The following KIF11 variants were observed in gnomAD, a reference collection of about 807,000 sequenced individuals.
KIF11 encodes the protein kinesin-like protein KIF11.
KIF11 carries 9 observed loss-of-function variants against 121.0 expected under a neutral mutation model. The observed-to-expected ratio is 0.07, with a 90% CI of 0.04 to 0.13. The LOEUF is 0.13. Ranked by LOEUF, KIF11 falls within the 10% of genes least tolerant of loss-of-function variation. The probability of loss-of-function intolerance (pLI) is 1.00; values close to 1 mark genes in which losing one functional copy is unlikely to be tolerated. For missense variants in KIF11, 846 were observed against 1,217.5 expected (o/e 0.69, Z 4.54); for synonymous variants, 408 against 421.0 (o/e 0.97, Z 0.38).
intron 3 of KIF11, 83 bp downstream of exon 3, chr10:92,606,799 C>T (rs1380238339): frequency 3.2e-5 from 26 of 812,294 alleles, no homozygotes; most frequent in East Asian, 2.0e-4. Flanking sequence ...TTTTTTGAGA[C>T]GGAGTTTCAC....
chr10:92,645,396 T>A lies in KIF11; in HGVS notation c.2301T>A (p.Phe767Leu). ...KSKDIVNKMT[F>L]HSQKFCADSD... ...AGGATATAGTCAACAAAATGACTTT[T>A]CACAGTCAAAAATTTTGTGCTGATT... is the stretch of plus-strand genomic sequence containing the variant. The change falls in exon 18 of 22, where the codon TTT (phenylalanine) becomes TTA (leucine). Residue 767 changes from phenylalanine to leucine, a missense_variant. Transcript: ENST00000260731. 6.2e-7 allele frequency: 1 copy of A among 1,612,528 alleles called. No homozygotes were observed. The highest frequency in any genetic ancestry group is 8.5e-7 in the Non-Finnish European group (1 of 1,179,038).
In KIF11 at chr10:92,593,169, G is replaced by T; in HGVS notation, c.-207G>T. On this transcript the variant is annotated 5_prime_UTR_variant, in exon 1 of 22. Transcript: ENST00000260731. ...CGGGCGGAGACGAGATTAGTGATTT[G>T]GCGGCTCCGACTGGCGCGGGACAAA... 4.5e-5 allele frequency: 24 copies of T among 528,184 alleles called. No homozygotes were observed. Among genetic ancestry groups the T allele is most frequent in the East Asian group, 9.6e-5 (3 of 31,216 alleles). 32.7% of individuals were successfully genotyped at this position (528,184 alleles called of 1,614,324 possible). A position where few individuals can be genotyped will look rare whatever the true frequency, so the allele number is the denominator to read the frequency against.
At chr10:92,641,049 G>A (rs923177418) in intron 17 of KIF11, among the ~76,000 whole-genome samples, 2 of 152,162 alleles carry the variant, frequency 1.3e-5, no homozygotes, top group East Asian at 1.9e-4. Context: ...CTCCCAGCCT[G>A]TATTAGAGTT....
intron 1 of KIF11, among the ~76,000 whole-genome samples, chr10:92,602,823 C>G (rs1024720466): frequency 1.7e-5 from 2 of 121,086 alleles, no homozygotes; most frequent in Admixed American, 8.8e-5. Context: ...CACACACACA[C>G]ACGTGTGTGT....
At position 92,630,244 on chromosome 10, in the gene KIF11, A is replaced by G; in HGVS notation, c.1374A>G (p.Thr458=). 6.2e-7 allele frequency: 1 copy of G among 1,610,152 alleles called. No homozygotes were observed. Among genetic ancestry groups the G allele is most frequent in the Non-Finnish European group, 8.5e-7 (1 of 1,177,674 alleles). The part of the protein sequence containing the change: ...DQCKSDLQNK[T]QELETTQKHL... Reference sequence around the variant, plus strand: ...GTAAATCTGACCTGCAAAATAAAACACAAGAACTTGAAACCACTCAAAAAC... The same window carrying G: ...GTAAATCTGACCTGCAAAATAAAACGCAAGAACTTGAAACCACTCAAAAAC... The change falls in exon 12 of 22, where the codon ACA becomes ACG. Residue 458 remains threonine (T), a synonymous_variant. Transcript: ENST00000260731.
chr10:92,633,527 C>G (rs1166939572), intron 13 of KIF11, 96 bp from the exon 14 acceptor site: 1 of 820,166 alleles, frequency 1.2e-6, no homozygotes, highest in Non-Finnish European at 2.0e-6. Flanking sequence ...AATTCTACAA[C>G]AAGGGTATAC....
At chr10:92,633,850 A>G in intron 14 of KIF11, 55 bp downstream of exon 14, 7 of 1,171,578 alleles carry the variant, frequency 6.0e-6, no homozygotes, top group Non-Finnish European at 8.6e-6. Flanking sequence ...AGTATTTGAT[A>G]AAATATTTTG....
In KIF11 at chr10:92,621,596, T is replaced by TTG. The variant is rs374159901; in HGVS notation, c.1217+137_1217+138dup. Reference sequence around the variant, plus strand: ...ATCCAGTGCCGATAAATACTTCATTTTGTGTGTGTGTGTGTTTTCTTTTGA... The same window carrying TTG: ...ATCCAGTGCCGATAAATACTTCATTTTGTGTGTGTGTGTGTGTTTTCTTTTGA... On this transcript the variant is annotated intron_variant, in intron 10 of 21. Coordinates refer to ENST00000260731, the MANE Select transcript of KIF11 (RefSeq NM_004523.4). 59 of 596,028 alleles carry TTG rather than the reference T, an allele frequency of 9.9e-5. 1 individual carries two copies. The highest frequency in any genetic ancestry group is 3.9e-4 in the East Asian group (13 of 33,568). 36.9% of individuals were successfully genotyped at this position (596,028 alleles called of 1,614,324 possible).
chr10:92,637,343 TG>T, intron 15 of KIF11, 34 bp downstream of exon 15: 1 of 1,580,842 alleles, frequency 6.3e-7, no homozygotes, highest in Non-Finnish European at 8.5e-7. Flanking sequence ...ATCTCAAAAT[TG>T]ATGTGTTGTT....
Position 92,593,408 on chromosome 10 carries a change from G to A in KIF11, c.33G>A (p.Lys11=), listed in dbSNP as rs1844253784. The A allele has an allele frequency of 1.2e-6, 2 of 1,611,326 alleles. No homozygotes were observed. The highest frequency in any genetic ancestry group is 1.3e-5 in the African/African-American group (1 of 74,928). ...CGCAGCCAAATTCGTCTGCGAAGAA[G>A]AAAGAGGAGAAGGGGAAGAACATCC... MASQPNSSAK[K]KEEKGKNIQV... Residue 11 remains lysine (K), a synonymous_variant, in exon 1 of 22, where the codon AAG becomes AAA. Transcript: ENST00000260731.
rs1844945528 is a variant in KIF11 at position 92,648,526 on chromosome 10, A to G, written c.2770+92A>G. 5.6e-6 allele frequency: 4 copies of G among 712,728 alleles called. No homozygotes were observed. The South Asian group carries it at 6.3e-5, about 11-fold the overall frequency. The allele number at this position is 712,728 out of a possible 1,614,324, so 44.2% of individuals were successfully genotyped here. ...ATGTTCAGAAAAATTAGGTCCTGCC[A>G]TTGCCTGACAGAAATTTAACATCTC... On this transcript the variant is annotated intron_variant, in intron 19 of 21. Coordinates refer to ENST00000260731, the MANE Select transcript of KIF11 (RefSeq NM_004523.4).
At chr10:92,650,099 T>C (rs1247032626) in intron 20 of KIF11, 113 bp downstream of exon 20, 1 of 758,682 alleles carries the variant, frequency 1.3e-6, no homozygotes, top group Non-Finnish European at 2.1e-6. Flanking sequence ...CGCCTCTCAT[T>C]AATGATAGGC....
chr10:92,648,597 T>C (rs1440987656), intron 19 of KIF11, among the ~76,000 whole-genome samples, 163 bp downstream of exon 19: 1 of 152,208 alleles, frequency 6.6e-6, no homozygotes, highest in Non-Finnish European at 1.5e-5. Context: ...TAAAATAGTT[T>C]TAATCAAGTG....
chr10:92,629,339 A>G lies in KIF11; in HGVS notation c.1305+444A>G, dbSNP rs955214021. Among the ~76,000 whole-genome samples the G allele has an allele frequency of 2.0e-5, 3 of 152,152 alleles. 1 individual carries two copies. The highest frequency in any genetic ancestry group is 4.4e-5 in the Non-Finnish European group (3 of 68,034). On this transcript the variant is annotated intron_variant, in intron 11 of 21. Transcript: ENST00000260731. ...TTTATTTTGCTGACCCTTATACTGA[A>G]AGTAAGTTATATCATGATTTTTTAC...
chr10:92,647,534 G>C (rs991635667), intron 18 of KIF11, among the ~76,000 whole-genome samples: 4 of 152,210 alleles, frequency 2.6e-5, no homozygotes, highest in South Asian at 2.1e-4. Context: ...GACGACTGGT[G>C]AAGTTTGAAC....
intron 3 of KIF11, among the ~76,000 whole-genome samples, chr10:92,606,958 G>A (rs918423484): frequency 1.8e-4 from 28 of 152,032 alleles, no homozygotes; most frequent in Admixed American, 1.8e-3. Flanking sequence ...TGTATTTTTA[G>A]TAGAGACGTG....
Position 92,606,367 on chromosome 10 carries a change from G to A in KIF11, c.180G>A (p.Lys60=), listed in dbSNP as rs184049283. ...TACGAACTGGAGGATTGGCTGACAA[G>A]AGCTCAAGGAAAACATACACTTTTG... ...VSVRTGGLAD[K]SSRKTYTFDM... Residue 60 remains lysine (K), a synonymous_variant, in exon 2 of 22, where the codon AAG becomes AAA. Transcript: ENST00000260731. 2.5e-6 allele frequency: 4 copies of A among 1,611,248 alleles called. No homozygotes were observed. In the Admixed American group the frequency reaches 6.8e-5, roughly 27 times the overall value.
At chr10:92,637,814 C>T (rs956257235) in intron 16 of KIF11, among the ~76,000 whole-genome samples, 4 of 152,094 alleles carry the variant, frequency 2.6e-5, no homozygotes, top group Admixed American at 2.6e-4. Context: ...AAAGATGAAT[C>T]TGGAAAAACA....
In KIF11 at chr10:92,593,848, T is replaced by C. The variant is rs138093491; in HGVS notation, c.77+396T>C. Among the ~76,000 whole-genome samples, 780 of 152,362 alleles carry C rather than the reference T, an allele frequency of 5.1e-3. 4 individuals carry two copies. Among genetic ancestry groups the C allele is most frequent in the African/African-American group, 0.018 (750 of 41,590 alleles). On this transcript the variant is annotated intron_variant, in intron 1 of 21. Transcript: ENST00000260731. ...CAATCACTGTTCTCTTTATTCTAGA[T>C]GCAATATTTTCTGCATCCCTACTAA...
Sources: allele counts gnomAD v4.1 joint callset (sites outside exome capture counted in the v4.1 genomes callset), GRCh38; gene constraint gnomAD v4.1.1; transcripts MANE v1.5; gene names NCBI Gene and HGNC (gene_info 2026-07-23, HGNC 2026-07-21).